The following NSUN4 variants were observed in gnomAD, a reference collection of about 807,000 sequenced individuals.
NSUN4 encodes the protein 5-cytosine rRNA methyltransferase NSUN4.
In NSUN4, 31 loss-of-function variants were observed where a neutral mutation model predicts 43.8. The ratio of observed to expected loss-of-function variants is 0.71; its 90% confidence interval spans 0.53 to 0.96. The LOEUF (loss-of-function observed/expected upper bound fraction) is 0.96. Ranked by LOEUF, NSUN4 falls within the 40% of genes least tolerant of loss-of-function variation. The pLI is 0.00. For missense variants in NSUN4, 439 were observed against 475.6 expected (o/e 0.92, Z 0.72); for synonymous variants, 167 against 184.1 (o/e 0.91, Z 0.75).
chr1:46,368,344 A>G (rs1664181950), downstream of NSUN4, among the ~76,000 whole-genome samples: 1 of 151,778 alleles, frequency 6.6e-6, no homozygotes, highest in African/African-American at 2.4e-5. Flanking sequence ...CTGTTTCCCC[A>G]CCTCTTGAAT....
At chr1:46,361,292 A>G (rs1407412703) in intron 5 of NSUN4, among the ~76,000 whole-genome samples, 1 of 152,222 alleles carries the variant, frequency 6.6e-6, no homozygotes, top group Non-Finnish European at 1.5e-5. Flanking sequence ...GTAAGGACTC[A>G]TTCTATAGCC....
chr1:46,383,253 G>A, the NSUN4 span, among the ~76,000 whole-genome samples: 3 of 152,180 alleles, frequency 2.0e-5, no homozygotes, highest in Admixed American at 2.0e-4. Context: ...AGGGGCAGGG[G>A]GTGGACGCCC....
At chr1:46,347,108 G>A (rs1458706531) in intron 3 of NSUN4, 33 bp downstream of exon 3, 1 of 1,603,330 alleles carries the variant, frequency 6.2e-7, no homozygotes, top group East Asian at 2.2e-5. Flanking sequence ...TGGGCAGAGA[G>A]AGCTCCCCAC....
At chr1:46,360,245 AAAAAATATATAT>A (rs71062757) in intron 4 of NSUN4, among the ~76,000 whole-genome samples, 9,990 of 44,044 alleles carry the variant, frequency 0.23, 771 homozygotes, top group East Asian at 0.39. Flanking sequence ...AAAAAAAAAA[AAAAAATATATAT>A]ATATATATAT....
intron 1 of NSUN4, 41 bp from the exon 2 acceptor site, chr1:46,344,760 C>G (rs776930438): frequency 6.4e-7 from 1 of 1,566,440 alleles, no homozygotes. Flanking sequence ...GGGGTAGAGT[C>G]AAGACTGGGA....
the NSUN4 span, among the ~76,000 whole-genome samples, chr1:46,372,899 T>C: frequency 6.6e-6 from 1 of 152,158 alleles, no homozygotes; most frequent in Non-Finnish European, 1.5e-5. Context: ...ATTTTTGTAT[T>C]TTTAGTAGAG....
In NSUN4 at chr1:46,346,963, T is replaced by G; in HGVS notation, c.480T>G (p.Ala160=). 1.2e-6 allele frequency: 2 copies of G among 1,614,126 alleles called. No homozygotes were observed. The highest frequency in any genetic ancestry group is 1.7e-6 in the Non-Finnish European group (2 of 1,179,982). Residue 160 remains alanine, a synonymous_variant, in exon 3 of 6, where the codon GCT becomes GCG. Coordinates refer to ENST00000474844, the MANE Select transcript of NSUN4 (RefSeq NM_199044.4). ...TCATGGAGTACTACCTGATGGATGCTGCCTCCTTGCTGCCTGTTCTGGCCC... is the reference window on the plus strand; with the variant it reads ...TCATGGAGTACTACCTGATGGATGCGGCCTCCTTGCTGCCTGTTCTGGCCC... ...LGVMEYYLMD[A]ASLLPVLALG...
intron 4 of NSUN4, among the ~76,000 whole-genome samples, chr1:46,359,676 G>C (rs532241318): frequency 6.7e-6 from 1 of 150,154 alleles, no homozygotes; most frequent in Non-Finnish European, 1.5e-5. Context: ...TTAGCCTCCC[G>C]AGTAGCTGGG....
intron 3 of NSUN4, among the ~76,000 whole-genome samples, chr1:46,349,075 A>C (rs1394828957): frequency 6.6e-6 from 1 of 150,760 alleles, no homozygotes; most frequent in Non-Finnish European, 1.5e-5. Context: ...GGCCTCCCAA[A>C]GTGCTGAGAT....
chr1:46,380,874 C>T, the NSUN4 span, among the ~76,000 whole-genome samples: 1 of 152,174 alleles, frequency 6.6e-6, no homozygotes, highest in Admixed American at 6.5e-5. Flanking sequence ...TAATGATTAA[C>T]ATGCATGGAT....
intron 4 of NSUN4, among the ~76,000 whole-genome samples, chr1:46,359,660 C>A (rs112468780): frequency 6.6e-6 from 1 of 151,224 alleles, no homozygotes; most frequent in Non-Finnish European, 1.5e-5. Flanking sequence ...AAGCGATTCT[C>A]CTGCCTTAGC....
intron 2 of NSUN4, among the ~76,000 whole-genome samples, chr1:46,346,450 G>A (rs930681645): frequency 6.6e-6 from 1 of 151,352 alleles, no homozygotes. Flanking sequence ...TACTTGGGAG[G>A]CTGAGGCAGG....
intron 1 of NSUN4, 77 bp from the exon 2 acceptor site, chr1:46,344,724 G>A: frequency 1.5e-6 from 2 of 1,301,522 alleles, no homozygotes; most frequent in Non-Finnish European, 2.2e-6. Flanking sequence ...TTGCCCCTAG[G>A]CTCTGAGGTG....
At chr1:46,372,479 C>T in the NSUN4 span, among the ~76,000 whole-genome samples, 1 of 152,098 alleles carries the variant, frequency 6.6e-6, no homozygotes, top group Non-Finnish European at 1.5e-5. Context: ...CTGAGTCTTC[C>T]AAATCTTTCC....
intron 1 of NSUN4, chr1:46,342,379 C>T (rs1662176356): frequency 5.0e-6 from 2 of 399,042 alleles, no homozygotes; most frequent in Non-Finnish European, 8.8e-6. Flanking sequence ...CCCAGCTCAC[C>T]TCAGGAGGGC....
At chr1:46,341,058 C>G in intron 1 of NSUN4, 139 bp downstream of exon 1, 10 of 1,133,552 alleles carry the variant, frequency 8.8e-6, no homozygotes, top group Non-Finnish European at 1.2e-5. Context: ...CCTCTCTCGT[C>G]TTTTCCGTCA....
rs995822502 is a variant in NSUN4 at position 46,363,830 on chromosome 1, T to G, written c.*1984T>G. ...GGATGAATCTGAGCAATAAAATAAT[T>G]AAGTGAAAAAAGTTTAATCCCAGAA... is the stretch of plus-strand genomic sequence containing the variant. On this transcript the variant is annotated 3_prime_UTR_variant, in exon 6 of 6. Transcript: ENST00000474844. 3 of 152,350 alleles carry G rather than the reference T, an allele frequency of 2.0e-5. No homozygotes were observed. Among genetic ancestry groups the G allele is most frequent in the African/African-American group, 7.2e-5 (3 of 41,418 alleles). 9.4% of individuals were successfully genotyped at this position (152,350 alleles called of 1,614,324 possible).
downstream of NSUN4, among the ~76,000 whole-genome samples, chr1:46,368,177 C>T: frequency 6.6e-6 from 1 of 152,178 alleles, no homozygotes; most frequent in Admixed American, 6.5e-5. Flanking sequence ...AGCCTCAAAA[C>T]TCATTTCTAT....
downstream of NSUN4, among the ~76,000 whole-genome samples, chr1:46,365,899 G>A (rs184977043): frequency 5.9e-5 from 9 of 152,048 alleles, no homozygotes; most frequent in East Asian, 1.9e-4. Context: ...AGGCCGAGGC[G>A]GGCGGATCAC....
Sources: allele counts gnomAD v4.1 joint callset (sites outside exome capture counted in the v4.1 genomes callset), GRCh38; gene constraint gnomAD v4.1.1; transcripts MANE v1.5; gene names NCBI Gene and HGNC (gene_info 2026-07-23, HGNC 2026-07-21).